Variants in MANF observed in about 807,000 individuals in gnomAD.
MANF encodes mesencephalic astrocyte-derived neurotrophic factor.
MANF carries 9 observed loss-of-function variants against 19.1 expected under a neutral mutation model. The ratio of observed to expected loss-of-function variants is 0.47; its 90% CI spans 0.28 to 0.82. The LOEUF (loss-of-function observed/expected upper bound fraction) is 0.82. MANF is among the 40% of genes least tolerant of loss of function. The probability of loss-of-function intolerance (pLI) is 0.10; values close to 1 mark genes in which losing one functional copy is unlikely to be tolerated. For synonymous variants in MANF, 89 were observed against 88.0 expected, an observed-to-expected ratio of 1.01 and a Z score of -0.06; for missense variants, 225 against 226.7, an observed-to-expected ratio of 0.99 and a Z score of 0.05.
At position 51,385,314 on chromosome 3, in the gene MANF, G is replaced by C; in HGVS notation, c.-29G>C. 8.7e-7 allele frequency: 1 copy of C among 1,155,192 alleles called. No individual in the cohort carries two copies. The highest frequency in any genetic ancestry group is 2.2e-5 in the African/African-American group (1 of 46,214). The allele number at this position is 1,155,192 out of a possible 1,614,324, so 71.6% of individuals were successfully genotyped here. On this transcript the variant is annotated 5_prime_UTR_variant, in exon 1 of 4. Coordinates refer to ENST00000528157, the MANE Select transcript of MANF (RefSeq NM_006010.6). The stretch of plus-strand genomic sequence containing the variant: ...TCAGTCGGTCGGCGGCGGCAGCGGA[G>C]GAGGAGGAGGAGGAGGAGGATGAGG...
chr3:51,388,940 A>G lies in MANF; in HGVS notation c.400A>G (p.Lys134Glu), dbSNP rs1553621153. Residue 134 changes from lysine (K) to glutamate (E), a missense_variant, in exon 4 of 4, where the codon AAG (lysine) becomes GAG (glutamate). By Grantham distance (56) the Lys-to-Glu change is moderately conservative (BLOSUM62 1). Coordinates refer to ENST00000528157, the MANE Select transcript of MANF (RefSeq NM_006010.6). ...QIDLSTVDLKKLRVKELKKIL... is the reference protein window; with the variant it reads ...QIDLSTVDLKELRVKELKKIL... ...CGACCTGAGCACAGTGGACCTGAAGAAGCTCCGAGTTAAAGAGCTGAAGAA... is the reference window on the plus strand; with the variant it reads ...CGACCTGAGCACAGTGGACCTGAAGGAGCTCCGAGTTAAAGAGCTGAAGAA... The G allele has an allele frequency of 1.3e-6, 2 of 1,589,352 alleles. No individual in the cohort carries two copies. The highest frequency in any genetic ancestry group is 2.7e-5 in the African/African-American group (2 of 74,348).
chr3:51,386,421 CCT>C, intron 2 of MANF, 86 bp downstream of exon 2: 2 of 1,481,964 alleles, frequency 1.3e-6, no homozygotes, highest in East Asian at 4.5e-5. Context: ...GCCTTGCCCA[CCT>C]CTCTGTTCAG....
intron 2 of MANF, among the ~76,000 whole-genome samples, chr3:51,387,419 G>A (rs1312766859): frequency 3.3e-5 from 5 of 151,630 alleles, no homozygotes; most frequent in African/African-American, 7.3e-5. Flanking sequence ...CCAAGATTGC[G>A]CCACTGCACT....
rs868938831 is a variant in MANF at position 51,387,895 on chromosome 3, C to A, written c.364+17C>A. 3 of 1,612,202 alleles carry A rather than the reference C, an allele frequency of 1.9e-6. No individual in the cohort carries two copies. Among genetic ancestry groups the A allele is most frequent in the South Asian group, 2.2e-5 (2 of 90,810 alleles). On this transcript the variant is annotated intron_variant, in intron 3 of 3. Transcript: ENST00000528157. ...TTAAGTATGGTGAGTATGCCTAGTC[C>A]TTTCTTAATGAATGCTGTGCACCTT...
chr3:51,385,938 C>A (rs908848172), intron 1 of MANF: 1 of 436,038 alleles, frequency 2.3e-6, no homozygotes, highest in Non-Finnish European at 4.1e-6. Context: ...TCACCATGGG[C>A]TTAAACTTGA....
At chr3:51,387,659 A>G in intron 2 of MANF, 78 bp from the exon 3 acceptor site, 3 of 1,377,088 alleles carry the variant, frequency 2.2e-6, no homozygotes, top group Non-Finnish European at 3.0e-6. Context: ...CAGAGAGATG[A>G]TGTTTCAAGG....
intron 1 of MANF, 193 bp from the exon 2 acceptor site, chr3:51,386,015 G>A (rs2088954251): frequency 3.4e-6 from 2 of 593,718 alleles, no homozygotes; most frequent in East Asian, 5.7e-5. Flanking sequence ...TGCCCTGGGT[G>A]TACCAGGGGA....
At chr3:51,387,458 T>C (rs1424403466) in intron 2 of MANF, among the ~76,000 whole-genome samples, 2 of 146,206 alleles carry the variant, frequency 1.4e-5, no homozygotes, top group Non-Finnish European at 3.0e-5. Flanking sequence ...CAAAACTTTA[T>C]CTCAAAAAAA....
chr3:51,388,464 C>A (rs1420562688), intron 3 of MANF, among the ~76,000 whole-genome samples: 1 of 152,210 alleles, frequency 6.6e-6, no homozygotes, highest in Non-Finnish European at 1.5e-5. Flanking sequence ...CCTGTGTTCA[C>A]CTACTTGCGT....
At chr3:51,385,839 T>TG (rs2088949637) in intron 1 of MANF, 1 of 272,312 alleles carries the variant, frequency 3.7e-6, no homozygotes, top group Non-Finnish European at 6.9e-6. Context: ...TATTTGGAAA[T>TG]TAGCAGCAGC....
chr3:51,386,161 G>T, intron 1 of MANF, 47 bp from the exon 2 acceptor site: 2 of 1,605,732 alleles, frequency 1.2e-6, no homozygotes, highest in South Asian at 1.1e-5. Context: ...TGGTGGATTG[G>T]AACAGCTTGG....
chr3:51,387,171 T>C, intron 2 of MANF: 1 of 322,440 alleles, frequency 3.1e-6, no homozygotes, highest in South Asian at 2.4e-5. Context: ...AAAAAATTTT[T>C]AGGCTAGGCG....
At position 51,389,162 on chromosome 3, in the gene MANF, AATTT is replaced by A. The variant is rs2088996688; in HGVS notation, c.*78_*81del. ...CTTACTCCCAAAACAGCCTTTTTGT[AATTT>A]ATTTTTTAAGTGGGCTCCTGACAAT... On this transcript the variant is annotated 3_prime_UTR_variant, in exon 4 of 4. Coordinates refer to ENST00000528157, the MANE Select transcript of MANF (RefSeq NM_006010.6). 1 of 1,388,914 alleles carries A rather than the reference AATTT, an allele frequency of 7.2e-7. No homozygotes were observed. The highest frequency in any genetic ancestry group is 2.3e-5 in the Admixed American group (1 of 43,100). The allele number at this position is 1,388,914 out of a possible 1,614,324, so 86.0% of individuals were successfully genotyped here.
At chr3:51,386,454 T>C in intron 2 of MANF, 119 bp downstream of exon 2, 1 of 1,091,396 alleles carries the variant, frequency 9.2e-7, no homozygotes, top group Non-Finnish European at 1.3e-6. Context: ...ACTCTCTCCA[T>C]AAACTAATGT....
chr3:51,385,342 G>T lies in MANF; in HGVS notation c.-1G>T. 8.1e-7 allele frequency: 1 copy of T among 1,236,686 alleles called. No homozygotes were observed. 76.6% of individuals were successfully genotyped at this position (1,236,686 alleles called of 1,614,324 possible). A position where few individuals can be genotyped will look rare whatever the true frequency, so the allele number is the denominator to read the frequency against. ...GGAGGAGGAGGAGGAGGATGAGGAG[G>T]ATGAGGAGGATGTGGGCCACGCAGG... On this transcript the variant is annotated 5_prime_UTR_variant, in exon 1 of 4. Coordinates refer to ENST00000528157, the MANE Select transcript of MANF (RefSeq NM_006010.6).
At chr3:51,388,318 A>G (rs1553621089) in intron 3 of MANF, among the ~76,000 whole-genome samples, 2 of 152,234 alleles carry the variant, frequency 1.3e-5, no homozygotes, top group Non-Finnish European at 2.9e-5. Context: ...TTCTGAAAAG[A>G]AACACTATGT....
At chr3:51,387,295 A>G (rs2088971975) in intron 2 of MANF, among the ~76,000 whole-genome samples, 1 of 152,150 alleles carries the variant, frequency 6.6e-6, no homozygotes, top group Non-Finnish European at 1.5e-5. Context: ...TCTCTACTAA[A>G]AAATACAAAA....
At chr3:51,387,075 C>A in intron 2 of MANF, 1 of 379,602 alleles carries the variant, frequency 2.6e-6, no homozygotes, top group Non-Finnish European at 5.3e-6. Context: ...GTCTTCCTAG[C>A]ACTTTGGGAG....
chr3:51,388,693 A>G (rs1304119439), intron 3 of MANF, among the ~76,000 whole-genome samples: 3 of 152,174 alleles, frequency 2.0e-5, no homozygotes, highest in Non-Finnish European at 2.9e-5. Flanking sequence ...TCTGTAGTAG[A>G]CATAATATGT....
Sources: allele counts gnomAD v4.1 joint callset (sites outside exome capture counted in the v4.1 genomes callset), GRCh38; gene constraint gnomAD v4.1.1; transcripts MANE v1.5; gene names NCBI Gene and HGNC (gene_info 2026-07-23, HGNC 2026-07-21).